HOMER1: variants seen among roughly 807,000 people sequenced by gnomAD.
HOMER1 encodes the protein homer protein homolog 1.
In HOMER1, 3 loss-of-function variants were observed where a neutral mutation model predicts 48.9. The observed-to-expected ratio is 0.06, with a 90% CI of 0.03 to 0.16. HOMER1 has a LOEUF of 0.16. HOMER1 is among the 10% of genes least tolerant of loss of function. HOMER1 has a pLI of 1.00. For missense variants in HOMER1, 247 were observed against 411.4 expected, an observed-to-expected ratio of 0.60 and a Z score of 3.46; for synonymous variants, 134 against 146.4, an observed-to-expected ratio of 0.92 and a Z score of 0.61.
chr5:79,379,382 TTTATATA>T, intron 8 of HOMER1, among the ~76,000 whole-genome samples: 1 of 110,150 alleles, frequency 9.1e-6, no homozygotes, highest in Non-Finnish European at 1.7e-5. Flanking sequence ...ATTTATATAT[TTTATATA>T]TTATATAAAT....
intron 2 of HOMER1, 69 bp downstream of exon 2, chr5:79,456,793 G>A: frequency 7.4e-7 from 1 of 1,358,884 alleles, no homozygotes; most frequent in Non-Finnish European, 1.0e-6. Flanking sequence ...AAAATGTTCT[G>A]AATAGAACTA....
intron 1 of HOMER1, among the ~76,000 whole-genome samples, chr5:79,501,734 C>G (rs1035000257): frequency 1.3e-5 from 2 of 152,150 alleles, no homozygotes; most frequent in Non-Finnish European, 2.9e-5. Flanking sequence ...CCCCAAGGAG[C>G]TGGGGGAATC....
At chr5:79,499,874 C>G (rs746136388) in intron 1 of HOMER1, among the ~76,000 whole-genome samples, 1 of 152,182 alleles carries the variant, frequency 6.6e-6, no homozygotes, top group Non-Finnish European at 1.5e-5. Context: ...TGTATCACAA[C>G]AGTAAAATCA....
chr5:79,510,879 T>C (rs1752923774), intron 1 of HOMER1: 2 of 689,482 alleles, frequency 2.9e-6, no homozygotes, highest in Non-Finnish European at 5.2e-6. Context: ...CCCAGGCCCC[T>C]ACAGAGGCTT....
intron 2 of HOMER1, among the ~76,000 whole-genome samples, chr5:79,454,490 T>A (rs1212657017): frequency 1.3e-5 from 2 of 151,938 alleles, no homozygotes; most frequent in Admixed American, 6.6e-5. Context: ...GGTTATAATA[T>A]CTAGTATCTG....
intron 1 of HOMER1, among the ~76,000 whole-genome samples, chr5:79,495,569 C>A (rs908078053): frequency 2.6e-5 from 4 of 152,194 alleles, no homozygotes; most frequent in Non-Finnish European, 5.9e-5. Context: ...TGGCATGACT[C>A]ACGACACAAA....
At chr5:79,392,913 T>A (rs983661802) in intron 8 of HOMER1, among the ~76,000 whole-genome samples, 2 of 151,098 alleles carry the variant, frequency 1.3e-5, no homozygotes, top group Non-Finnish European at 2.9e-5. Context: ...CATGAATACT[T>A]ACCACTGTCT....
intron 1 of HOMER1, among the ~76,000 whole-genome samples, chr5:79,481,210 A>G (rs1751935730): frequency 6.6e-6 from 1 of 152,198 alleles, no homozygotes; most frequent in Non-Finnish European, 1.5e-5. Context: ...ACGTGTCACA[A>G]TTACAACTTT....
chr5:79,433,582 A>G (rs1038319277), intron 5 of HOMER1, among the ~76,000 whole-genome samples: 1 of 152,102 alleles, frequency 6.6e-6, no homozygotes, highest in Admixed American at 6.5e-5. Flanking sequence ...AAAACAAACA[A>G]ACAAAAAAGA....
chr5:79,411,807 C>T (rs144331690), intron 5 of HOMER1, among the ~76,000 whole-genome samples: 1 of 152,138 alleles, frequency 6.6e-6, no homozygotes, highest in Non-Finnish European at 1.5e-5. Context: ...TTCCGATACT[C>T]TTTCAAAAAA....
chr5:79,508,775 A>C, intron 1 of HOMER1, among the ~76,000 whole-genome samples: 1 of 152,166 alleles, frequency 6.6e-6, no homozygotes, highest in East Asian at 1.9e-4. Flanking sequence ...AATGCCCTAC[A>C]TTATAGCTCC....
chr5:79,388,734 A>C (rs971802612), intron 8 of HOMER1, among the ~76,000 whole-genome samples: 1 of 152,106 alleles, frequency 6.6e-6, no homozygotes, highest in African/African-American at 2.4e-5. Context: ...CCAAGGAAAA[A>C]TAGATTTGAA....
chr5:79,434,564 A>AT (rs796110886), intron 5 of HOMER1, among the ~76,000 whole-genome samples: 3 of 152,268 alleles, frequency 2.0e-5, no homozygotes, highest in African/African-American at 7.2e-5. Context: ...AGGTTAAAAA[A>AT]TGTTTTTAGA....
rs190857792 is a variant in HOMER1, at chr5:79,487,321, G to A, written c.5+25449C>T. ...GAAAGAATACGTTTCATAATGGCTGGATCAAGCTAATAACACTGAACTCCA... is the reference window on the plus strand; with the variant it reads ...GAAAGAATACGTTTCATAATGGCTGAATCAAGCTAATAACACTGAACTCCA... On this transcript the variant is annotated intron_variant, in intron 1 of 8. Coordinates refer to ENST00000334082, the MANE Select transcript of HOMER1 (RefSeq NM_004272.5). Among the ~76,000 whole-genome samples the A allele has an allele frequency of 2.4e-4, 37 of 152,164 alleles. No individual in the cohort carries two copies. In the East Asian group the frequency reaches 5.0e-3, roughly 21 times the overall value.
intron 8 of HOMER1, among the ~76,000 whole-genome samples, chr5:79,390,354 G>A (rs558683191): frequency 5.9e-5 from 9 of 152,004 alleles, no homozygotes; most frequent in South Asian, 2.1e-4. Flanking sequence ...GTTTAAATAC[G>A]AACACAGGTA....
At position 79,457,008 on chromosome 5, in the gene HOMER1, T is replaced by C. The variant is rs764527742; in HGVS notation, c.16A>G (p.Ile6Val). Reference sequence around the variant, plus strand: ...AAGACATGAGCTCGAGTGCTGAAGATAGGTTGTTCCCTGCAGGGCAGAAAA... The same window carrying C: ...AAGACATGAGCTCGAGTGCTGAAGACAGGTTGTTCCCTGCAGGGCAGAAAA... Reference protein sequence around the residue: MGEQPIFSTRAHVFQI... With the variant: MGEQPVFSTRAHVFQI... Residue 6 changes from isoleucine to valine, a missense_variant, in exon 2 of 9, where the codon ATC (isoleucine) becomes GTC (valine). Physicochemically the swap from Ile to Val is conservative, Grantham distance 29. This residue lies in a region of HOMER1 where 38 missense variants were observed against 114.9 expected (regional missense o/e 0.33). Coordinates refer to ENST00000334082, the MANE Select transcript of HOMER1 (RefSeq NM_004272.5). 3.6e-5 allele frequency: 58 copies of C among 1,613,952 alleles called. No homozygotes were observed. The highest frequency in any genetic ancestry group is 4.7e-5 in the Non-Finnish European group (55 of 1,179,962).
At chr5:79,423,601 C>CT (rs1750163308) in intron 5 of HOMER1, among the ~76,000 whole-genome samples, 1 of 152,124 alleles carries the variant, frequency 6.6e-6, no homozygotes, top group Non-Finnish European at 1.5e-5. Flanking sequence ...GTAATGGGTT[C>CT]TTTTATATAG....
At chr5:79,460,795 C>T (rs182889538) in intron 1 of HOMER1, among the ~76,000 whole-genome samples, 2 of 152,200 alleles carry the variant, frequency 1.3e-5, no homozygotes, top group East Asian at 3.9e-4. Context: ...CTTTCCGCAA[C>T]AAAAAATTTT....
intron 1 of HOMER1, among the ~76,000 whole-genome samples, chr5:79,488,994 T>C (rs561011488): frequency 6.6e-6 from 1 of 152,330 alleles, no homozygotes; most frequent in East Asian, 1.9e-4. Context: ...ATAATCTCTA[T>C]GAGAACATGT....
Sources: allele counts gnomAD v4.1 joint callset (sites outside exome capture counted in the v4.1 genomes callset), GRCh38; gene constraint gnomAD v4.1.1; regional missense constraint gnomAD v4.1.1; transcripts MANE v1.5; gene names NCBI Gene and HGNC (gene_info 2026-07-23, HGNC 2026-07-21).